SPAG16: variants seen among roughly 807,000 people sequenced by gnomAD.
SPAG16 encodes the protein sperm associated antigen 16, also known as sperm-associated antigen 16 protein.
A neutral mutation model predicts 80.4 loss-of-function variants in SPAG16; 86 were observed. That is an observed-to-expected ratio of 1.07 (90% CI 0.90 to 1.28). The LOEUF is 1.28. SPAG16 is among the 50% of genes most tolerant of loss of function. The pLI is 0.00. For synonymous variants in SPAG16, 294 were observed against 265.9 expected (o/e 1.11, Z -1.03); for missense variants, 870 against 765.3 (o/e 1.14, Z -1.61).
intron 11 of SPAG16, among the ~76,000 whole-genome samples, chr2:213,869,244 A>T (rs1406566866): frequency 1.7e-5 from 1 of 57,540 alleles, no homozygotes. Flanking sequence ...CAAGAGCTAA[A>T]GTCCATGTCA....
intron 15 of SPAG16, among the ~76,000 whole-genome samples, chr2:214,166,175 A>T (rs1365349097): frequency 6.6e-6 from 1 of 152,198 alleles, no homozygotes; most frequent in Non-Finnish European, 1.5e-5. Context: ...AATGGGATAT[A>T]GGATGTAACT....
At chr2:214,284,512 C>T (rs753370669) in intron 15 of SPAG16, among the ~76,000 whole-genome samples, 6 of 152,162 alleles carry the variant, frequency 3.9e-5, no homozygotes, top group Admixed American at 1.3e-4. Context: ...TCTAGCTCCA[C>T]GCACCTATCA....
chr2:214,407,433 C>A (rs1005318852), intron 15 of SPAG16, among the ~76,000 whole-genome samples: 1 of 152,034 alleles, frequency 6.6e-6, no homozygotes, highest in Non-Finnish European at 1.5e-5. Context: ...TCAGGTTTCA[C>A]GTAAGTTCTC....
intron 10 of SPAG16, among the ~76,000 whole-genome samples, chr2:213,610,416 T>C (rs1574484889): frequency 1.3e-5 from 2 of 152,270 alleles, no homozygotes; most frequent in Non-Finnish European, 2.9e-5. Flanking sequence ...ATCTATTCTC[T>C]CCGAGGGCTG....
At chr2:213,629,246 A>C (rs2062060481) in intron 10 of SPAG16, among the ~76,000 whole-genome samples, 1 of 152,302 alleles carries the variant, frequency 6.6e-6, no homozygotes, top group Admixed American at 6.5e-5. Context: ...AAGAGCAATA[A>C]AGTGGTCAGA....
At chr2:214,176,857 C>CA (rs201357686) in intron 15 of SPAG16, among the ~76,000 whole-genome samples, 89 of 131,562 alleles carry the variant, frequency 6.8e-4, no homozygotes, top group African/African-American at 1.8e-3. Context: ...AGTTCTTTGG[C>CA]AAAAAAATAT....
chr2:213,496,198 A>G lies in SPAG16; in HGVS notation c.1070+6108A>G, dbSNP rs114582986. ...TTTCCTGGAGTAAGTTGACAGTGAT[A>G]TAGAGGCTAATGAATAGTCAGATTT... On this transcript the variant is annotated intron_variant, in intron 10 of 15. Coordinates refer to ENST00000331683, the MANE Select transcript of SPAG16 (RefSeq NM_024532.5). Among the ~76,000 whole-genome samples the G allele has an allele frequency of 9.3e-3, 1,423 of 152,308 alleles. 20 individuals carry two copies. The highest frequency in any genetic ancestry group is 0.013 in the Non-Finnish European group (873 of 68,030).
intron 10 of SPAG16, among the ~76,000 whole-genome samples, chr2:213,526,915 A>G (rs1304319232): frequency 6.6e-6 from 1 of 152,178 alleles, no homozygotes; most frequent in Non-Finnish European, 1.5e-5. Context: ...GTTAGAATCT[A>G]CAGGTGTTCT....
intron 11 of SPAG16, among the ~76,000 whole-genome samples, chr2:213,914,742 A>G (rs1168052440): frequency 6.6e-6 from 1 of 152,160 alleles, no homozygotes; most frequent in Non-Finnish European, 1.5e-5. Flanking sequence ...GATGAGTGAT[A>G]TTGATCTTTA....
At chr2:213,873,672 A>G (rs2076034610) in intron 11 of SPAG16, among the ~76,000 whole-genome samples, 1 of 151,826 alleles carries the variant, frequency 6.6e-6, no homozygotes. Context: ...ATAAGTTTTC[A>G]TATGTTGTGT....
rs1481606188 is a variant in SPAG16, at chr2:213,468,896, C to G, written c.943-21067C>G. ...GAGTCTGATGTTCCAGAGCAGGAAG[C>G]ATTCAGCATAGGAGAAAGATGTAGG... is the stretch of plus-strand genomic sequence containing the variant. On this transcript the variant is annotated intron_variant, in intron 9 of 15. Transcript: ENST00000331683. 9.7e-4 allele frequency among the ~76,000 whole-genome samples: 147 copies of G among 152,072 alleles called. 5 individuals are homozygous for G. The highest frequency in any genetic ancestry group is 9.6e-3 in the Admixed American group (146 of 15,270).
intron 10 of SPAG16, among the ~76,000 whole-genome samples, chr2:213,788,315 A>C (rs1333158106): frequency 6.6e-6 from 1 of 151,948 alleles, no homozygotes; most frequent in African/African-American, 2.4e-5. Flanking sequence ...AAAGGAAATA[A>C]GCTACACAAT....
chr2:214,397,854 A>AT (rs984197285), intron 15 of SPAG16, among the ~76,000 whole-genome samples: 6 of 152,154 alleles, frequency 3.9e-5, no homozygotes, highest in Non-Finnish European at 8.8e-5. Flanking sequence ...CTGAAGTAGA[A>AT]TTTTTTTAAA....
At chr2:213,814,509 A>T (rs1241640870) in intron 10 of SPAG16, among the ~76,000 whole-genome samples, 1 of 152,216 alleles carries the variant, frequency 6.6e-6, no homozygotes, top group Non-Finnish European at 1.5e-5. Flanking sequence ...TAAGAATAAT[A>T]GCCCAAGTGA....
chr2:213,465,412 A>G lies in SPAG16; in HGVS notation c.943-24551A>G, dbSNP rs575526497. Among the ~76,000 whole-genome samples the G allele has an allele frequency of 2.0e-5, 3 of 152,270 alleles. No individual in the cohort carries two copies. In the East Asian group the frequency reaches 5.8e-4, roughly 29 times the overall value. On this transcript the variant is annotated intron_variant, in intron 9 of 15. Transcript: ENST00000331683. Reference sequence around the variant, plus strand: ...TCTACAAAAGAAATTCTGTCTGTAAAGAGAGTCCATTCTGCATCCTCTAAG... The same window carrying G: ...TCTACAAAAGAAATTCTGTCTGTAAGGAGAGTCCATTCTGCATCCTCTAAG...
intron 15 of SPAG16, among the ~76,000 whole-genome samples, chr2:214,293,869 G>T (rs565599839): frequency 6.6e-6 from 1 of 152,202 alleles, no homozygotes; most frequent in Non-Finnish European, 1.5e-5. Context: ...TACAACCAGG[G>T]AAGGTGGGGC....
intron 10 of SPAG16, among the ~76,000 whole-genome samples, chr2:213,498,866 C>G (rs1189009195): frequency 6.6e-6 from 1 of 152,074 alleles, no homozygotes; most frequent in African/African-American, 2.4e-5. Flanking sequence ...ATGAGTTGTT[C>G]AGTCATTCAC....
At chr2:214,201,257 C>T (rs138864931) in intron 15 of SPAG16, among the ~76,000 whole-genome samples, 101 of 152,286 alleles carry the variant, frequency 6.6e-4, no homozygotes, top group African/African-American at 2.3e-3. Context: ...TGACTAAACA[C>T]TTTCGATTAG....
intron 15 of SPAG16, among the ~76,000 whole-genome samples, chr2:214,153,841 C>T (rs1014277661): frequency 7.2e-5 from 11 of 151,978 alleles, no homozygotes; most frequent in Non-Finnish European, 1.5e-4. Context: ...TTAGCTTTTC[C>T]TGTTGCTGTA....
Sources: allele counts gnomAD v4.1 joint callset (sites outside exome capture counted in the v4.1 genomes callset), GRCh38; gene constraint gnomAD v4.1.1; transcripts MANE v1.5; gene names NCBI Gene and HGNC (gene_info 2026-07-23, HGNC 2026-07-21).